FRS2: variants seen among roughly 807,000 people sequenced by gnomAD.
FRS2 encodes FGFR signalling adaptor.
Under a neutral mutation model 43.9 loss-of-function variants are expected in FRS2, and 8 were observed. The observed-to-expected ratio is 0.18, with a 90% CI of 0.11 to 0.33. The LOEUF is 0.33. Ranked by LOEUF, FRS2 falls within the 10% of genes least tolerant of loss-of-function variation. The pLI, the probability that FRS2 is intolerant of heterozygous loss-of-function variation, is 1.00. For synonymous variants in FRS2, 219 were observed against 220.3 expected (o/e 0.99, Z 0.05); for missense variants, 534 against 627.6 (o/e 0.85, Z 1.59).
chr12:69,511,088 T>C (rs1874411004), intron 1 of FRS2, among the ~76,000 whole-genome samples: 1 of 152,244 alleles, frequency 6.6e-6, no homozygotes, highest in Admixed American at 6.5e-5. Context: ...ATACTTTGAA[T>C]GGCAGTGCCA....
At chr12:69,476,770 GT>G (rs1870825515) in intron 1 of FRS2, among the ~76,000 whole-genome samples, 1 of 129,974 alleles carries the variant, frequency 7.7e-6, no homozygotes, top group Non-Finnish European at 1.7e-5. Context: ...GGGTGTGGGG[GT>G]GGGGAACTTA....
intron 4 of FRS2, among the ~76,000 whole-genome samples, chr12:69,568,675 G>C (rs1338144703): frequency 6.6e-6 from 1 of 151,524 alleles, no homozygotes; most frequent in East Asian, 1.9e-4. Context: ...ATTAACTCTT[G>C]AACAAAAATT....
chr12:69,508,061 G>A (rs572774159), intron 1 of FRS2, among the ~76,000 whole-genome samples: 1 of 144,432 alleles, frequency 6.9e-6, no homozygotes. Flanking sequence ...AAAAGTTGCT[G>A]CAGTGCTGCA....
chr12:69,533,351 T>C (rs554325806), intron 3 of FRS2, among the ~76,000 whole-genome samples: 1 of 135,602 alleles, frequency 7.4e-6, no homozygotes, highest in South Asian at 3.0e-4. Context: ...TTAAGTTGTC[T>C]AGGTTTTTTT....
chr12:69,566,581 T>C (rs1880315643), intron 4 of FRS2, among the ~76,000 whole-genome samples: 2 of 151,228 alleles, frequency 1.3e-5, no homozygotes, highest in Admixed American at 1.3e-4. Context: ...CACTCCAGCC[T>C]GAGCAACAAG....
intron 1 of FRS2, among the ~76,000 whole-genome samples, chr12:69,530,124 T>C (rs186224672): frequency 2.0e-5 from 3 of 152,188 alleles, no homozygotes; most frequent in East Asian, 1.9e-4. Flanking sequence ...ATTGTAGTTA[T>C]AGGGGGAAAG....
At chr12:69,553,606 C>A (rs897612590) in intron 3 of FRS2, among the ~76,000 whole-genome samples, 3 of 150,572 alleles carry the variant, frequency 2.0e-5, no homozygotes, top group South Asian at 4.2e-4. Context: ...AAAAAAAAAA[C>A]AACTTTTGGG....
chr12:69,563,604 A>AC (rs1163769283), intron 4 of FRS2, among the ~76,000 whole-genome samples: 1 of 152,120 alleles, frequency 6.6e-6, no homozygotes, highest in Admixed American at 6.6e-5. Context: ...ACTGCTGAGC[A>AC]CTGCTAGCAA....
intron 1 of FRS2, among the ~76,000 whole-genome samples, chr12:69,482,428 C>T (rs544377107): frequency 6.6e-6 from 1 of 152,146 alleles, no homozygotes; most frequent in Non-Finnish European, 1.5e-5. Flanking sequence ...CTTTTTCCCC[C>T]TAACCCTCTA....
At chr12:69,485,997 A>G (rs1450930122) in intron 1 of FRS2, among the ~76,000 whole-genome samples, 1 of 152,144 alleles carries the variant, frequency 6.6e-6, no homozygotes, top group Non-Finnish European at 1.5e-5. Context: ...TATAGGGTCA[A>G]GGTTTTTGTT....
intron 3 of FRS2, among the ~76,000 whole-genome samples, chr12:69,557,613 T>C (rs1165687560): frequency 8.8e-5 from 11 of 125,400 alleles, no homozygotes; most frequent in Middle Eastern, 4.1e-3. Context: ...TGTGTGTGTG[T>C]GTGTGTGCGC....
At chr12:69,488,778 G>A (rs1350459366) in intron 1 of FRS2, among the ~76,000 whole-genome samples, 1 of 152,126 alleles carries the variant, frequency 6.6e-6, no homozygotes, top group African/African-American at 2.4e-5. Context: ...CAGTTCATAC[G>A]ATCTTAAATT....
intron 4 of FRS2, among the ~76,000 whole-genome samples, chr12:69,564,240 G>C (rs1880101220): frequency 6.7e-6 from 1 of 149,914 alleles, no homozygotes; most frequent in South Asian, 2.1e-4. Flanking sequence ...GTACTATTCT[G>C]ATCTTTTTTT....
Position 69,483,639 on chromosome 12 carries a change from G to A in FRS2, c.-261+13109G>A, listed in dbSNP as rs181717334. Reference sequence around the variant, plus strand: ...ACAAACTTTATATTAAGTATTTTCCGTGTCACCATCCATCATATTTAGTTG... The same window carrying A: ...ACAAACTTTATATTAAGTATTTTCCATGTCACCATCCATCATATTTAGTTG... On this transcript the variant is annotated intron_variant, in intron 1 of 8. Coordinates refer to ENST00000549921, the MANE Select transcript of FRS2 (RefSeq NM_001278356.2). Among the ~76,000 whole-genome samples the A allele has an allele frequency of 6.1e-4, 92 of 151,652 alleles. 1 individual carries two copies. Among genetic ancestry groups the A allele is most frequent in the Middle Eastern group, 3.4e-3 (1 of 294 alleles).
intron 3 of FRS2, among the ~76,000 whole-genome samples, chr12:69,551,210 G>T (rs1038196447): frequency 1.3e-5 from 2 of 152,078 alleles, no homozygotes; most frequent in Admixed American, 1.3e-4. Flanking sequence ...AAATTAGCTG[G>T]GTGTGGTGGT....
chr12:69,542,781 A>T (rs551603861), intron 3 of FRS2, among the ~76,000 whole-genome samples: 5 of 152,356 alleles, frequency 3.3e-5, no homozygotes, highest in African/African-American at 1.2e-4. Flanking sequence ...TTAGAAATTA[A>T]AAGAGCTTAG....
chr12:69,481,173 A>G (rs1871316960), intron 1 of FRS2, among the ~76,000 whole-genome samples: 1 of 152,166 alleles, frequency 6.6e-6, no homozygotes, highest in Non-Finnish European at 1.5e-5. Flanking sequence ...TTTTTTGTGA[A>G]CCATTGAAGA....
Position 69,574,899 on chromosome 12 carries a change from C to T in FRS2, c.1471C>T (p.Arg491Ter), listed in dbSNP as rs1472095265. The change falls in exon 9 of 9, where the codon CGA (arginine) becomes TGA (stop). Residue 491 changes from arginine to a stop codon, truncating the protein, a stop_gained. Transcript: ENST00000549921. LOFTEE classifies it high-confidence loss of function. ...GTCAAATTTGCAGAAAGCACTGCCA[C>T]GAGATGATGGTACATCTAGGAAAAC... is the stretch of plus-strand genomic sequence containing the variant. ...AMSNLQKALP[R>*]DDGTSRKTRH... is the part of the protein sequence containing the mutation. 6.2e-7 allele frequency: 1 copy of T among 1,613,650 alleles called. No individual in the cohort carries two copies.
intron 1 of FRS2, among the ~76,000 whole-genome samples, chr12:69,512,883 ATTTTC>A (rs1025158687): frequency 3.1e-4 from 47 of 152,078 alleles, no homozygotes; most frequent in African/African-American, 1.0e-3. Context: ...TGGATTTAGT[ATTTTC>A]TTGTTATTTT....
Sources: allele counts gnomAD v4.1 joint callset (sites outside exome capture counted in the v4.1 genomes callset), GRCh38; gene constraint gnomAD v4.1.1; transcripts MANE v1.5; gene names NCBI Gene and HGNC (gene_info 2026-07-23, HGNC 2026-07-21).